CTNND1: variants seen among roughly 807,000 people sequenced by gnomAD.
CTNND1 encodes catenin delta-1.
In CTNND1, 16 loss-of-function variants were observed where a neutral mutation model predicts 112.1. The ratio of observed to expected loss-of-function variants is 0.14; its 90% CI spans 0.10 to 0.22. CTNND1 has a LOEUF of 0.22. CTNND1 is among the 10% of genes least tolerant of loss of function. The probability of loss-of-function intolerance (pLI) is 1.00; values close to 1 mark genes in which losing one functional copy is unlikely to be tolerated. For missense variants in CTNND1, 1,008 were observed against 1,257.0 expected (o/e 0.80, Z 3.00); for synonymous variants, 420 against 446.5 (o/e 0.94, Z 0.75).
intron 1 of CTNND1, among the ~76,000 whole-genome samples, chr11:57,768,078 A>G (rs914802920): frequency 1.3e-5 from 2 of 151,702 alleles, no homozygotes; most frequent in South Asian, 2.1e-4. Context: ...CAAATGATCC[A>G]CCCACCTCGG....
rs2064047814 is a variant in CTNND1 at position 57,817,564 on chromosome 11, A to T, written c.*1256A>T. The T allele has an allele frequency of 6.5e-6, 1 of 152,672 alleles. No individual in the cohort carries two copies. Among genetic ancestry groups the T allele is most frequent in the Non-Finnish European group, 1.5e-5 (1 of 68,046 alleles). The allele number at this position is 152,672 out of a possible 1,614,324, so 9.5% of individuals were successfully genotyped here. ...CAGATTCTTCATTGAGGATTGGTAT[A>T]GCCATGATTTCAGTCATAGCAAGCT... On this transcript the variant is annotated 3_prime_UTR_variant, in exon 21 of 21. Coordinates refer to ENST00000399050, the MANE Select transcript of CTNND1 (RefSeq NM_001085458.2).
At chr11:57,782,690 A>C (rs2059704447) in intron 1 of CTNND1, among the ~76,000 whole-genome samples, 1 of 152,232 alleles carries the variant, frequency 6.6e-6, no homozygotes. Context: ...CTTTAGGCCA[A>C]ACTTAAAAGA....
intron 6 of CTNND1, among the ~76,000 whole-genome samples, chr11:57,800,622 C>T (rs1350856352): frequency 2.0e-5 from 3 of 152,168 alleles, no homozygotes; most frequent in East Asian, 1.9e-4. Context: ...AATGCTTTGT[C>T]CATCTGAATC....
rs2060256720 is a variant in CTNND1 at position 57,787,491 on chromosome 11, C to T, written c.-213-1546C>T. ...GACATTTGTATATAACATACATTGTCTCACCTAATCCTCACAACAACTCTG... is the reference window on the plus strand; with the variant it reads ...GACATTTGTATATAACATACATTGTTTCACCTAATCCTCACAACAACTCTG... On this transcript the variant is annotated intron_variant, in intron 1 of 20. Transcript: ENST00000399050. Among the ~76,000 whole-genome samples the T allele has an allele frequency of 2.6e-5, 4 of 152,236 alleles. No individual in the cohort carries two copies. In the South Asian group the frequency reaches 8.3e-4, roughly 31 times the overall value.
At chr11:57,776,579 C>G (rs562655984) in intron 1 of CTNND1, among the ~76,000 whole-genome samples, 1 of 152,298 alleles carries the variant, frequency 6.6e-6, no homozygotes, top group East Asian at 1.9e-4. Flanking sequence ...GAGTATTCAG[C>G]TTAGGTCTTG....
chr11:57,790,092 T>C (rs2060530063), intron 2 of CTNND1, among the ~76,000 whole-genome samples: 1 of 152,178 alleles, frequency 6.6e-6, no homozygotes, highest in African/African-American at 2.4e-5. Context: ...TGTATTATTA[T>C]ATTTTTGGAG....
chr11:57,774,703 A>T (rs895208823), intron 1 of CTNND1, among the ~76,000 whole-genome samples: 2 of 151,050 alleles, frequency 1.3e-5, no homozygotes, highest in African/African-American at 4.9e-5. Context: ...TTATTTATTT[A>T]TTTATTTATT....
chr11:57,806,891 T>TC (rs762704910), intron 11 of CTNND1, 24 bp from the exon 12 acceptor site: 1 of 1,569,020 alleles, frequency 6.4e-7, no homozygotes, highest in Non-Finnish European at 8.7e-7. Context: ...TTACCCCTTT[T>TC]CCCGCCCTTT....
chr11:57,808,445 C>T lies in CTNND1; in HGVS notation c.2147C>T (p.Ala716Val), dbSNP rs1424110454. 1 of 1,613,204 alleles carries T rather than the reference C, an allele frequency of 6.2e-7. No individual in the cohort carries two copies. Among genetic ancestry groups the T allele is most frequent in the South Asian group, 1.1e-5 (1 of 90,966 alleles). The part of the protein sequence containing the change: ...LRQEKALSAI[A>V]DLLTNEHERV... ...CAAGAGAAGGCTCTTTCTGCCATAG[C>T]TGACCTCCTGACTAATGAACATGAA... Residue 716 changes from alanine to valine, a missense_variant, in exon 14 of 21, where the codon GCT (alanine) becomes GTT (valine). Coordinates refer to ENST00000399050, the MANE Select transcript of CTNND1 (RefSeq NM_001085458.2).
At chr11:57,797,360 A>G (rs987911965) in intron 6 of CTNND1, among the ~76,000 whole-genome samples, 25 of 148,266 alleles carry the variant, frequency 1.7e-4, no homozygotes, top group Non-Finnish European at 3.6e-4. Context: ...CCTCCCTAGT[A>G]GTTGGGACTA....
intron 1 of CTNND1, among the ~76,000 whole-genome samples, chr11:57,776,730 TGTC>T (rs1954313943): frequency 1.3e-5 from 2 of 152,224 alleles, no homozygotes; most frequent in South Asian, 4.1e-4. Context: ...TGGCTATACT[TGTC>T]GTCTTCCCTC....
intron 15 of CTNND1, 42 bp from the exon 16 acceptor site, chr11:57,810,067 A>T (rs1444906632): frequency 6.6e-7 from 1 of 1,505,410 alleles, no homozygotes; most frequent in Admixed American, 2.0e-5. Context: ...TTTTTTCCTG[A>T]TTTTATATCC....
rs2061273405 is a variant in CTNND1, at chr11:57,795,541, A to T, written c.268-36A>T. 2.5e-6 allele frequency: 4 copies of T among 1,586,100 alleles called. No individual in the cohort carries two copies. In the African/African-American group the frequency reaches 5.4e-5, roughly 21 times the overall value. Reference sequence around the variant, plus strand: ...GGATGGCTTGTTATACATAGCACTTAATAGTAGTTTCTTCTCTTTTCTCTT... The same window carrying T: ...GGATGGCTTGTTATACATAGCACTTTATAGTAGTTTCTTCTCTTTTCTCTT... On this transcript the variant is annotated intron_variant, in intron 4 of 20. Transcript: ENST00000399050.
At chr11:57,769,744 G>A (rs1383164318) in intron 1 of CTNND1, among the ~76,000 whole-genome samples, 4 of 151,762 alleles carry the variant, frequency 2.6e-5, no homozygotes, top group Non-Finnish European at 5.9e-5. Context: ...TTGTACCCAT[G>A]TGCTAAAGGT....
chr11:57,813,345 GAA>G (rs769317224), intron 17 of CTNND1, among the ~76,000 whole-genome samples: 2 of 151,950 alleles, frequency 1.3e-5, no homozygotes, highest in Non-Finnish European at 2.9e-5. Flanking sequence ...TGATTAAAAT[GAA>G]AAAAGACTTT....
In CTNND1 at chr11:57,789,026, T is replaced by A; in HGVS notation, c.-213-11T>A. The A allele has an allele frequency of 6.5e-7, 1 of 1,527,594 alleles. No homozygotes were observed. The highest frequency in any genetic ancestry group is 8.8e-7 in the Non-Finnish European group (1 of 1,139,488). 94.6% of individuals were successfully genotyped at this position (1,527,594 alleles called of 1,614,324 possible). A position where few individuals can be genotyped will look rare whatever the true frequency, so the allele number is the denominator to read the frequency against. On this transcript the variant is annotated splice_polypyrimidine_tract_variant and intron_variant, in intron 1 of 20. Transcript: ENST00000399050. ...CTCTCATTCCCATTTTTCCTTCAAA[T>A]ATTTCTGCAGCTCTCTCCTTCCTGC...
intron 2 of CTNND1, among the ~76,000 whole-genome samples, 162 bp from the exon 3 acceptor site, chr11:57,791,223 G>A (rs1019080106): frequency 6.6e-6 from 1 of 152,186 alleles, no homozygotes; most frequent in Non-Finnish European, 1.5e-5. Context: ...AAAGGATTCC[G>A]CTTGAACAGA....
At chr11:57,770,943 G>A (rs1175194068) in intron 1 of CTNND1, among the ~76,000 whole-genome samples, 1 of 152,018 alleles carries the variant, frequency 6.6e-6, no homozygotes, top group South Asian at 2.1e-4. Flanking sequence ...TGTTGGAATG[G>A]GGGAAGTTCT....
intron 2 of CTNND1, among the ~76,000 whole-genome samples, chr11:57,789,767 G>A (rs1394222118): frequency 1.3e-5 from 2 of 152,172 alleles, no homozygotes; most frequent in African/African-American, 2.4e-5. Context: ...TGCGTCCCGC[G>A]GGCCAAGGGT....
Sources: allele counts gnomAD v4.1 joint callset (sites outside exome capture counted in the v4.1 genomes callset), GRCh38; gene constraint gnomAD v4.1.1; transcripts MANE v1.5; gene names NCBI Gene and HGNC (gene_info 2026-07-23, HGNC 2026-07-21).